TRMT2B: variants seen among roughly 807,000 people sequenced by gnomAD.
The protein encoded by TRMT2B is tRNA methyltransferase 2B, also known as tRNA (uracil-5-)-methyltransferase homolog B.
In TRMT2B, 34 loss-of-function variants were observed where a neutral mutation model predicts 39.7. That is an observed-to-expected ratio of 0.86 (90% CI 0.65 to 1.14). The LOEUF (loss-of-function observed/expected upper bound fraction) is 1.14. TRMT2B is among the 50% of genes most tolerant of loss of function. The pLI is 0.00. For missense variants in TRMT2B, 318 were observed against 377.2 expected (o/e 0.84, Z 1.30); for synonymous variants, 132 against 137.3 (o/e 0.96, Z 0.27).
chrX:101,037,248 G>A (rs1299775810), intron 5 of TRMT2B, 175 bp from the exon 6 acceptor site: 2 of 426,384 alleles, frequency 4.7e-6, no homozygotes, highest in African/African-American at 5.0e-5. Flanking sequence ...TAGAAGGGGA[G>A]TTCCAATCTT....
Position 101,038,989 on chromosome X carries a change from G to A in TRMT2B, c.304-938C>T, listed in dbSNP as rs78016619. On this transcript the variant is annotated intron_variant, in intron 4 of 13. Coordinates refer to ENST00000372936, the MANE Select transcript of TRMT2B (RefSeq NM_024917.6). ...TGGTCTCAAACTCCTGGGCTTAAGC[G>A]ATCCACCTGCCTCAGCCTCCCAAAG... is the stretch of plus-strand genomic sequence containing the variant. Among the ~76,000 whole-genome samples, 1,925 of 111,440 alleles carry A rather than the reference G, an allele frequency of 0.017. 120 individuals carry two copies. The East Asian group carries it at 0.22, about 13-fold the overall frequency.
At chrX:100,982,920 C>T in the TRMT2B span, among the ~76,000 whole-genome samples, 1 of 110,654 alleles carries the variant, frequency 9.0e-6, no homozygotes, top group Non-Finnish European at 1.9e-5. Flanking sequence ...GAAGAATCAC[C>T]TCAGGATTTT....
intron 8 of TRMT2B, 124 bp downstream of exon 8, chrX:101,023,346 A>G: frequency 1.4e-6 from 1 of 726,761 alleles, no homozygotes; most frequent in South Asian, 2.7e-5. Flanking sequence ...CCTCTCCCCA[A>G]TTGACACAAA....
At chrX:101,028,617 A>G (rs2087262448) in intron 7 of TRMT2B, among the ~76,000 whole-genome samples, 2 of 111,673 alleles carry the variant, frequency 1.8e-5, no homozygotes, top group South Asian at 7.5e-4. Flanking sequence ...TTCTCAACAC[A>G]ACAGCCAGAT....
chrX:100,973,609 C>T, the TRMT2B span: 1 of 1,050,062 alleles, frequency 9.5e-7, no homozygotes, highest in Non-Finnish European at 1.3e-6. Flanking sequence ...TAGTCATAAG[C>T]TGACTAAAGG....
intron 7 of TRMT2B, among the ~76,000 whole-genome samples, chrX:101,033,050 G>A (rs1050839128): frequency 5.5e-5 from 6 of 109,892 alleles, no homozygotes; most frequent in Non-Finnish European, 1.1e-4. Context: ...GAGGTCAGGA[G>A]TTCAAGACCA....
intron 7 of TRMT2B, 84 bp downstream of exon 7, chrX:101,035,529 C>A (rs1277785159): frequency 3.6e-6 from 3 of 843,722 alleles, no homozygotes; most frequent in Non-Finnish European, 5.3e-6. Context: ...CTAGAATTGG[C>A]TCTATTATCA....
chrX:100,976,703 C>G, the TRMT2B span, among the ~76,000 whole-genome samples: 1 of 112,507 alleles, frequency 8.9e-6, no homozygotes, highest in African/African-American at 3.2e-5. Flanking sequence ...ACCTCAGCCT[C>G]CTGGATTCAA....
intron 2 of TRMT2B, among the ~76,000 whole-genome samples, chrX:101,050,771 C>T (rs1475867212): frequency 4.6e-5 from 5 of 109,421 alleles, no homozygotes; most frequent in Admixed American, 3.0e-4. Flanking sequence ...GGGCCAGGCT[C>T]GGTGGCTCTC....
intron 7 of TRMT2B, among the ~76,000 whole-genome samples, chrX:101,030,423 G>A (rs2087376013): frequency 9.7e-6 from 1 of 103,547 alleles, no homozygotes; most frequent in South Asian, 4.3e-4. Context: ...CAGAAAGATG[G>A]AAGCAGGAAA....
Position 101,042,331 on chromosome X carries a change from T to C in TRMT2B, c.-23-19A>G, listed in dbSNP as rs2088289230. ...AATCCACCTGCATGAAAGGTACACATACAGAGGTTGGGAAATAGAAGCACA... is the reference window on the plus strand; with the variant it reads ...AATCCACCTGCATGAAAGGTACACACACAGAGGTTGGGAAATAGAAGCACA... On this transcript the variant is annotated intron_variant, in intron 2 of 13. Transcript: ENST00000372936. 2 of 1,181,204 alleles carry C rather than the reference T, an allele frequency of 1.7e-6. No individual in the cohort carries two copies. Among genetic ancestry groups the C allele is most frequent in the Non-Finnish European group, 2.3e-6 (2 of 879,679 alleles).
the TRMT2B span, chrX:100,990,583 C>T: frequency 8.6e-7 from 1 of 1,159,292 alleles, no homozygotes; most frequent in Non-Finnish European, 1.2e-6. Context: ...ATCCTATACT[C>T]ACTGAGAGGC....
At chrX:101,050,791 C>T (rs1232186758) in intron 2 of TRMT2B, among the ~76,000 whole-genome samples, 1 of 110,360 alleles carries the variant, frequency 9.1e-6, no homozygotes. Flanking sequence ...CGCTTGTAAT[C>T]CCAGCACTTT....
At chrX:101,037,107 A>G in intron 5 of TRMT2B, 34 bp from the exon 6 acceptor site, 1 of 1,040,701 alleles carries the variant, frequency 9.6e-7, no homozygotes, top group Non-Finnish European at 1.4e-6. Flanking sequence ...GGGGGATGAG[A>G]GGTCAAATGA....
At chrX:101,026,041 G>T (rs1227633051) in intron 7 of TRMT2B, among the ~76,000 whole-genome samples, 4 of 93,557 alleles carry the variant, frequency 4.3e-5, no homozygotes, top group Non-Finnish European at 2.1e-5. Context: ...AGGGAGGGAG[G>T]AAGGAAGGGA....
At chrX:101,031,781 T>G (rs1209683550) in intron 7 of TRMT2B, among the ~76,000 whole-genome samples, 1 of 107,783 alleles carries the variant, frequency 9.3e-6, no homozygotes, top group Non-Finnish European at 1.9e-5. Context: ...GAATGCTACA[T>G]GAAAGGAGCA....
At chrX:101,017,438 CA>C (rs1325167533) in intron 13 of TRMT2B, among the ~76,000 whole-genome samples, 1 of 111,200 alleles carries the variant, frequency 9.0e-6, no homozygotes, top group East Asian at 2.8e-4. Flanking sequence ...CTTGAAAGCT[CA>C]AATCACTTCG....
intron 4 of TRMT2B, among the ~76,000 whole-genome samples, chrX:101,040,292 T>TA (rs59255183): frequency 4.4e-5 from 4 of 90,536 alleles, no homozygotes; most frequent in East Asian, 3.6e-4. Flanking sequence ...AGACTCTATT[T>TA]AAAAAAAAAA....
At chrX:101,044,766 G>A (rs1261010372) in intron 2 of TRMT2B, among the ~76,000 whole-genome samples, 2 of 106,686 alleles carry the variant, frequency 1.9e-5, no homozygotes, top group African/African-American at 3.4e-5. Context: ...CTTGAACCCA[G>A]GAGGCGGAGG....
Sources: allele counts gnomAD v4.1 joint callset (sites outside exome capture counted in the v4.1 genomes callset), GRCh38; gene constraint gnomAD v4.1.1; transcripts MANE v1.5; gene names NCBI Gene and HGNC (gene_info 2026-07-23, HGNC 2026-07-21).